Variants in NF1 observed in about 807,000 individuals in gnomAD.
The protein encoded by NF1 is neurofibromin.
Under a neutral mutation model 325.7 loss-of-function variants are expected in NF1, and 122 were observed. That is an observed-to-expected ratio of 0.37 (90% confidence interval 0.32 to 0.44). NF1 has a LOEUF of 0.44. Among genes scored for constraint, NF1 ranks in the 20% least tolerant of loss-of-function variants. The probability of loss-of-function intolerance (pLI) is 1.00; values close to 1 mark genes in which losing one functional copy is unlikely to be tolerated. For synonymous variants in NF1, 1,091 were observed against 1,186.0 expected, an observed-to-expected ratio of 0.92 and a Z score of 1.65; for missense variants, 2,140 against 3,415.4, an observed-to-expected ratio of 0.63 and a Z score of 9.31.
At chr17:31,358,410 GT>G (rs2070322604) in intron 54 of NF1, 69 bp from the exon 55 acceptor site, 2 of 1,460,750 alleles carry the variant, frequency 1.4e-6, no homozygotes, top group African/African-American at 2.8e-5. Context: ...TGTATATTAT[GT>G]TTTCCACTAC....
At chr17:31,359,786 T>A (rs1296412547) in intron 56 of NF1, 1 of 154,600 alleles carries the variant, frequency 6.5e-6, no homozygotes, top group Non-Finnish European at 1.4e-5. Flanking sequence ...GGCATTAGTT[T>A]ATGTAGTGCT....
At chr17:31,222,654 A>G (rs2066946044) in intron 15 of NF1, 1 of 460,488 alleles carries the variant, frequency 2.2e-6, no homozygotes, top group East Asian at 8.4e-5. Flanking sequence ...ATTAATTGTA[A>G]TTATGTTTTG....
intron 8 of NF1, among the ~76,000 whole-genome samples, chr17:31,192,761 T>C (rs1298320313): frequency 6.6e-6 from 1 of 152,194 alleles, no homozygotes; most frequent in Non-Finnish European, 1.5e-5. Context: ...GGGCTAAATA[T>C]TTTTTCCTTG....
At chr17:31,263,056 T>G (rs2067713747) in intron 35 of NF1, among the ~76,000 whole-genome samples, 1 of 147,526 alleles carries the variant, frequency 6.8e-6, no homozygotes, top group African/African-American at 2.6e-5. Flanking sequence ...GGTAGGTAGG[T>G]AGGTAGGTAG....
chr17:31,153,306 A>G (rs1162325229), intron 1 of NF1, among the ~76,000 whole-genome samples: 4 of 152,262 alleles, frequency 2.6e-5, no homozygotes, highest in Non-Finnish European at 5.9e-5. Context: ...AGTGGTTAAT[A>G]GCTACATGTG....
rs1287411717 is a variant in NF1 at position 31,343,150 on chromosome 17, T to C, written c.7189+15T>C. 6.3e-7 allele frequency: 1 copy of C among 1,598,270 alleles called. No individual in the cohort carries two copies. The highest frequency in any genetic ancestry group is 8.6e-7 in the Non-Finnish European group (1 of 1,166,184). On this transcript the variant is annotated intron_variant, in intron 48 of 57. Coordinates refer to ENST00000358273, the MANE Select transcript of NF1 (RefSeq NM_001042492.3). ...CCTTTTAAAAGGTAAAAAAGCCTTATTTAGAATATTTTTATGAAGTACTAT... is the reference window on the plus strand; with the variant it reads ...CCTTTTAAAAGGTAAAAAAGCCTTACTTAGAATATTTTTATGAAGTACTAT...
At chr17:31,196,035 T>G (rs1350128343) in intron 8 of NF1, among the ~76,000 whole-genome samples, 1 of 152,118 alleles carries the variant, frequency 6.6e-6, no homozygotes, top group Non-Finnish European at 1.5e-5. Flanking sequence ...TTTGATGGTT[T>G]GTTCTTTGCT....
At chr17:31,201,224 C>G (rs2143881819) in intron 10 of NF1, 65 bp downstream of exon 10, 1 of 1,592,354 alleles carries the variant, frequency 6.3e-7, no homozygotes, top group South Asian at 1.1e-5. Context: ...AACAAAAAGA[C>G]TATAGAGATT....
chr17:31,205,291 C>T lies in NF1; in HGVS notation c.1261-949C>T, dbSNP rs17883055. 2.3e-3 allele frequency among the ~76,000 whole-genome samples: 345 copies of T among 152,130 alleles called. 1 individual carries two copies. The highest frequency in any genetic ancestry group is 7.0e-3 in the African/African-American group (289 of 41,544). The stretch of plus-strand genomic sequence containing the variant: ...TGAGAGATGTGAGGCTATTCAATCC[C>T]TCTTATCTACAATTTGAATGTATTA... On this transcript the variant is annotated intron_variant, in intron 11 of 57. Transcript: ENST00000358273.
intron 5 of NF1, among the ~76,000 whole-genome samples, chr17:31,174,978 G>A (rs965013195): frequency 2.0e-5 from 3 of 151,608 alleles, no homozygotes; most frequent in African/African-American, 4.8e-5. Flanking sequence ...GTGTAGTGGC[G>A]CACGCCTGTA....
At chr17:31,180,006 T>C (rs2066097674) in intron 5 of NF1, among the ~76,000 whole-genome samples, 1 of 152,102 alleles carries the variant, frequency 6.6e-6, no homozygotes, top group Non-Finnish European at 1.5e-5. Flanking sequence ...CTAGCAGTAA[T>C]GGATAAATTC....
intron 36 of NF1, among the ~76,000 whole-genome samples, chr17:31,313,611 C>G (rs2068940387): frequency 6.6e-6 from 1 of 151,102 alleles, no homozygotes. Context: ...GAGGCTGAAG[C>G]AGGAGAATTG....
intron 36 of NF1, among the ~76,000 whole-genome samples, chr17:31,306,892 GT>G (rs1167155373): frequency 6.6e-6 from 1 of 151,956 alleles, no homozygotes; most frequent in Non-Finnish European, 1.5e-5. Context: ...GCTCATTCCT[GT>G]AATCCCAGCA....
intron 13 of NF1, among the ~76,000 whole-genome samples, chr17:31,217,549 C>T (rs1271680107): frequency 6.6e-6 from 1 of 152,008 alleles, no homozygotes; most frequent in African/African-American, 2.4e-5. Flanking sequence ...AAGCACTCCG[C>T]CTGCCTTGGC....
intron 1 of NF1, among the ~76,000 whole-genome samples, chr17:31,141,101 T>TAC (rs200617540): frequency 5.9e-5 from 9 of 151,990 alleles, no homozygotes; most frequent in Admixed American, 2.0e-4. Context: ...TTGTAACACT[T>TAC]ACACACACAC....
At chr17:31,306,709 C>T (rs756140144) in intron 36 of NF1, among the ~76,000 whole-genome samples, 1 of 151,784 alleles carries the variant, frequency 6.6e-6, no homozygotes, top group Non-Finnish European at 1.5e-5. Context: ...AAATTCAATC[C>T]AGTTGGTCAA....
At chr17:31,274,138 A>G (rs939119040) in intron 36 of NF1, among the ~76,000 whole-genome samples, 1 of 152,210 alleles carries the variant, frequency 6.6e-6, no homozygotes, top group Admixed American at 6.5e-5. Flanking sequence ...ATGAAACTTA[A>G]GAAAAGGATT....
intron 56 of NF1, chr17:31,360,267 G>A: frequency 1.8e-6 from 1 of 564,678 alleles, no homozygotes. Context: ...ATGGCTTTCA[G>A]AAAATGCAGG....
intron 51 of NF1, among the ~76,000 whole-genome samples, chr17:31,354,176 C>T (rs1354678430): frequency 1.3e-5 from 2 of 152,086 alleles, no homozygotes; most frequent in African/African-American, 4.8e-5. Context: ...TATAATCAGC[C>T]AATCACAACA....
Sources: gnomAD v4.1 joint callset for allele counts (sites outside exome capture counted in the v4.1 genomes callset) on GRCh38, gnomAD v4.1.1 for gene constraint, MANE v1.5 for transcripts, NCBI Gene and HGNC (gene_info 2026-07-23, HGNC 2026-07-21) for gene names.